Variants in FAF1 observed in about 807,000 individuals in gnomAD.
FAF1 encodes the protein FAS-associated factor 1.
FAF1 carries 25 observed loss-of-function variants against 92.5 expected under a neutral mutation model. That is an observed-to-expected ratio of 0.27 (90% CI 0.20 to 0.38). The LOEUF (loss-of-function observed/expected upper bound fraction) is 0.38. FAF1 is among the 10% of genes least tolerant of loss of function. The pLI is 1.00. For missense variants in FAF1, 636 were observed against 793.3 expected, an observed-to-expected ratio of 0.80 and a Z score of 2.38; for synonymous variants, 234 against 273.2, an observed-to-expected ratio of 0.86 and a Z score of 1.42.
At chr1:50,817,998 A>G (rs1257569412) in intron 2 of FAF1, among the ~76,000 whole-genome samples, 1 of 152,198 alleles carries the variant, frequency 6.6e-6, no homozygotes, top group South Asian at 2.1e-4. Context: ...AATCTAATCT[A>G]TAGTTAAACA....
At chr1:50,545,583 T>A (rs12096157) in intron 13 of FAF1, among the ~76,000 whole-genome samples, 2,376 of 145,672 alleles carry the variant, frequency 0.016, 29 homozygotes, top group African/African-American at 0.039. Flanking sequence ...AGCTATATTT[T>A]AAAAAAAAAG....
chr1:50,898,668 T>C (rs1292186058), intron 1 of FAF1, among the ~76,000 whole-genome samples: 2 of 152,202 alleles, frequency 1.3e-5, no homozygotes, highest in Non-Finnish European at 2.9e-5. Context: ...TACCATACAC[T>C]TTAAAAACAA....
chr1:50,501,652 C>T (rs1009659049), intron 15 of FAF1, among the ~76,000 whole-genome samples: 2 of 144,318 alleles, frequency 1.4e-5, no homozygotes, highest in African/African-American at 5.1e-5. Context: ...CAGAGCAAGA[C>T]TCCGTCTCAA....
intron 1 of FAF1, among the ~76,000 whole-genome samples, chr1:50,922,713 G>T (rs540821605): frequency 6.7e-6 from 1 of 150,152 alleles, no homozygotes; most frequent in Non-Finnish European, 1.5e-5. Context: ...AGCTACTTGT[G>T]GGGGCTGAGG....
At position 50,691,413 on chromosome 1, in the gene FAF1, T is replaced by C. The variant is rs1174556818; in HGVS notation, c.657+14373A>G. Among the ~76,000 whole-genome samples, 6 of 151,756 alleles carry C rather than the reference T, an allele frequency of 4.0e-5. No individual in the cohort carries two copies. In the East Asian group the frequency reaches 1.2e-3, roughly 29 times the overall value. Reference sequence around the variant, plus strand: ...ATGCACCACAATGTCCACTTCACTTTTGTGTTATTAGTAGAGATGGGTTTC... The same window carrying C: ...ATGCACCACAATGTCCACTTCACTTCTGTGTTATTAGTAGAGATGGGTTTC... On this transcript the variant is annotated intron_variant, in intron 7 of 18. Transcript: ENST00000396153.
chr1:50,955,238 A>C (rs1207209400), intron 1 of FAF1, among the ~76,000 whole-genome samples: 1 of 152,236 alleles, frequency 6.6e-6, no homozygotes, highest in African/African-American at 2.4e-5. Flanking sequence ...AGTTACAAAA[A>C]GACTTGAAAC....
chr1:50,802,240 G>T (rs1169296272), intron 2 of FAF1, among the ~76,000 whole-genome samples: 1 of 152,046 alleles, frequency 6.6e-6, no homozygotes, highest in Non-Finnish European at 1.5e-5. Flanking sequence ...ACAGGCATGT[G>T]CCACTACGCC....
At chr1:50,724,306 C>CACACACAT (rs1553132429) in intron 6 of FAF1, among the ~76,000 whole-genome samples, 92 of 145,312 alleles carry the variant, frequency 6.3e-4, no homozygotes, top group South Asian at 8.8e-4. Context: ...TACACACACA[C>CACACACAT]ACACACACAC....
intron 1 of FAF1, among the ~76,000 whole-genome samples, chr1:50,896,989 T>C (rs993909628): frequency 1.3e-5 from 2 of 151,806 alleles, no homozygotes; most frequent in Non-Finnish European, 2.9e-5. Context: ...AAAGAAAAAG[T>C]CAATTGCTTT....
intron 13 of FAF1, among the ~76,000 whole-genome samples, chr1:50,540,418 T>G (rs1441311343): frequency 6.6e-6 from 1 of 152,174 alleles, no homozygotes; most frequent in East Asian, 1.9e-4. Context: ...AAAAACAGAA[T>G]TTAGCAACGT....
chr1:50,661,825 T>C (rs1655390912), intron 7 of FAF1, among the ~76,000 whole-genome samples: 2 of 152,154 alleles, frequency 1.3e-5, no homozygotes, highest in African/African-American at 4.8e-5. Flanking sequence ...TCAGAATGCG[T>C]TCTGAACACA....
At chr1:50,490,775 T>C in intron 16 of FAF1, 110 bp from the exon 17 acceptor site, 1 of 749,610 alleles carries the variant, frequency 1.3e-6, no homozygotes, top group Non-Finnish European at 2.4e-6. Flanking sequence ...GTATGTGACA[T>C]TCAAAGGCTC....
chr1:50,570,475 C>G (rs1449859949), intron 12 of FAF1, among the ~76,000 whole-genome samples: 2 of 151,930 alleles, frequency 1.3e-5, no homozygotes, highest in Non-Finnish European at 2.9e-5. Context: ...GTTTTCGTTC[C>G]AGGGACACAA....
chr1:50,554,858 T>C (rs527689349), intron 13 of FAF1, among the ~76,000 whole-genome samples: 2 of 152,328 alleles, frequency 1.3e-5, no homozygotes, highest in South Asian at 2.1e-4. Flanking sequence ...AGAAATGTTA[T>C]ACTACTTGTC....
At chr1:50,887,097 T>C (rs1052622492) in intron 1 of FAF1, among the ~76,000 whole-genome samples, 3 of 152,188 alleles carry the variant, frequency 2.0e-5, no homozygotes, top group African/African-American at 4.8e-5. Context: ...TGGTATCTGA[T>C]TGTGGTTTTG....
chr1:50,659,800 A>G lies in FAF1; in HGVS notation c.658-4272T>C, dbSNP rs546556877. Among the ~76,000 whole-genome samples the G allele has an allele frequency of 1.6e-4, 24 of 152,278 alleles. No individual in the cohort carries two copies. In the South Asian group the frequency reaches 4.8e-3, roughly 30 times the overall value. The stretch of plus-strand genomic sequence containing the variant: ...ACAGATTTTCTAATTTGCATTCAAG[A>G]TTTTCTAAAGGTATAGTTTAATTTC... On this transcript the variant is annotated intron_variant, in intron 7 of 18. Transcript: ENST00000396153.
rs1455109535 is a variant in FAF1, at chr1:50,579,652, T to C, written c.1113+2966A>G. On this transcript the variant is annotated intron_variant, in intron 12 of 18. Transcript: ENST00000396153. ...AAGCTTTTAGACCTAATATCCATTT[T>C]TCAGGAAATCAGAAAAATAATATCA... Among the ~76,000 whole-genome samples the C allele has an allele frequency of 4.6e-5, 7 of 152,242 alleles. No homozygotes were observed. In the East Asian group the frequency reaches 1.3e-3, roughly 29 times the overall value.
At chr1:50,681,689 T>G (rs984607705) in intron 7 of FAF1, among the ~76,000 whole-genome samples, 9 of 151,068 alleles carry the variant, frequency 6.0e-5, no homozygotes, top group African/African-American at 2.2e-4. Flanking sequence ...TTTTTTTTTT[T>G]GTATTTTTAG....
chr1:50,924,659 G>A lies in FAF1; in HGVS notation c.45+35108C>T, dbSNP rs58904547. On this transcript the variant is annotated intron_variant, in intron 1 of 18. Coordinates refer to ENST00000396153, the MANE Select transcript of FAF1 (RefSeq NM_007051.3). ...CTTCAAAATATACAGCAGAGCTATAGTAACCAAAACAGCATAGTATTGGTA... is the reference window on the plus strand; with the variant it reads ...CTTCAAAATATACAGCAGAGCTATAATAACCAAAACAGCATAGTATTGGTA... Among the ~76,000 whole-genome samples the A allele has an allele frequency of 7.8e-3, 1,181 of 152,300 alleles. 13 individuals carry two copies. The highest frequency in any genetic ancestry group is 0.027 in the African/African-American group (1,135 of 41,558).
Sources: gnomAD v4.1 joint callset for allele counts (sites outside exome capture counted in the v4.1 genomes callset) on GRCh38, gnomAD v4.1.1 for gene constraint, MANE v1.5 for transcripts, NCBI Gene and HGNC (gene_info 2026-07-23, HGNC 2026-07-21) for gene names.